AHRR: variants seen among roughly 807,000 people sequenced by gnomAD.
AHRR encodes aryl hydrocarbon receptor repressor.
In AHRR, 28 loss-of-function variants were observed where a neutral mutation model predicts 44.0. The ratio of observed to expected loss-of-function variants is 0.64; its 90% confidence interval spans 0.47 to 0.87. The LOEUF (loss-of-function observed/expected upper bound fraction) is 0.87. AHRR is among the 40% of genes least tolerant of loss of function. The pLI, the probability that AHRR is intolerant of heterozygous loss-of-function variation, is 0.00. For missense variants in AHRR, 990 were observed against 953.9 expected (o/e 1.04, Z -0.50); for synonymous variants, 434 against 407.0 (o/e 1.07, Z -0.80).
rs979804116 is a variant in AHRR, at chr5:435,813, A to C, written c.*979A>C. On this transcript the variant is annotated 3_prime_UTR_variant, in exon 11 of 11. Transcript: ENST00000684583. ...TCCTAGGAGAATAATTAGGGACAAGACAGACAAGTATTAATAGCATTAAAA... is the reference window on the plus strand; with the variant it reads ...TCCTAGGAGAATAATTAGGGACAAGCCAGACAAGTATTAATAGCATTAAAA... The C allele has an allele frequency of 1.3e-5, 2 of 152,726 alleles. No homozygotes were observed. Among genetic ancestry groups the C allele is most frequent in the African/African-American group, 4.8e-5 (2 of 41,450 alleles). The allele number at this position is 152,726 out of a possible 1,614,324, so 9.5% of individuals were successfully genotyped here. A position where few individuals can be genotyped will look rare whatever the true frequency, so the allele number is the denominator to read the frequency against.
chr5:346,955 C>T (rs1742700480), intron 2 of AHRR, among the ~76,000 whole-genome samples: 1 of 152,180 alleles, frequency 6.6e-6, no homozygotes, highest in Admixed American at 6.5e-5. Flanking sequence ...TCAAATCCCC[C>T]ACACTCGTGT....
Position 397,260 on chromosome 5 carries a change from G to A in AHRR, c.352-16084G>A, listed in dbSNP as rs1261141180. 4.3e-5 allele frequency among the ~76,000 whole-genome samples: 4 copies of A among 91,972 alleles called. 1 individual carries two copies. Among genetic ancestry groups the A allele is most frequent in the Non-Finnish European group, 8.1e-5 (4 of 49,594 alleles). The allele number at this position is 91,972 out of a possible 152,430, so 60.3% of individuals were successfully genotyped here. A position where few individuals can be genotyped will look rare whatever the true frequency, so the allele number is the denominator to read the frequency against. ...ATCCACGTAGCCCCTGACCATCCACGTAGCTCCTGACCGTCCATGTTAGCC... is the reference window on the plus strand; with the variant it reads ...ATCCACGTAGCCCCTGACCATCCACATAGCTCCTGACCGTCCATGTTAGCC... On this transcript the variant is annotated intron_variant, in intron 4 of 10. Transcript: ENST00000684583.
At chr5:399,296 C>T (rs1335756495) in intron 4 of AHRR, among the ~76,000 whole-genome samples, 1 of 152,236 alleles carries the variant, frequency 6.6e-6, no homozygotes, top group African/African-American at 2.4e-5. Flanking sequence ...GGGCCTGGCG[C>T]TTCTGGAGGG....
chr5:407,974 C>T (rs1330878741), intron 4 of AHRR, among the ~76,000 whole-genome samples: 1 of 152,220 alleles, frequency 6.6e-6, no homozygotes, highest in African/African-American at 2.4e-5. Flanking sequence ...TCAATCCATA[C>T]CTGCAATACA....
At chr5:351,361 T>A (rs1430205101) in intron 2 of AHRR, among the ~76,000 whole-genome samples, 2 of 152,156 alleles carry the variant, frequency 1.3e-5, no homozygotes, top group Non-Finnish European at 2.9e-5. Context: ...CAAACGTCCA[T>A]CAGCAGATAG....
At chr5:389,588 C>T (rs963557221) in intron 4 of AHRR, among the ~76,000 whole-genome samples, 3 of 152,040 alleles carry the variant, frequency 2.0e-5, no homozygotes, top group African/African-American at 4.8e-5. Context: ...CTTCCTCGGC[C>T]CTGCAGAGGT....
At chr5:401,414 C>T (rs1037672501) in intron 4 of AHRR, among the ~76,000 whole-genome samples, 7 of 152,212 alleles carry the variant, frequency 4.6e-5, no homozygotes, top group South Asian at 4.1e-4. Context: ...TCACCACTTG[C>T]GAAGGGGGTG....
chr5:390,716 C>G (rs1734379181), intron 4 of AHRR, among the ~76,000 whole-genome samples: 1 of 151,952 alleles, frequency 6.6e-6, no homozygotes, highest in Admixed American at 6.6e-5. Context: ...GTTGGAAGTT[C>G]CTGCTGGGAT....
chr5:400,880 C>T (rs1005348209), intron 4 of AHRR, among the ~76,000 whole-genome samples: 10 of 152,206 alleles, frequency 6.6e-5, no homozygotes, highest in African/African-American at 2.4e-4. Context: ...ATTAGTAGGA[C>T]ATCATCAGTA....
chr5:415,775 G>A (rs949211064), intron 5 of AHRR, among the ~76,000 whole-genome samples: 4 of 152,062 alleles, frequency 2.6e-5, no homozygotes, highest in East Asian at 1.9e-4. Context: ...CACCCCGCTC[G>A]CCCACACTAG....
chr5:399,934 G>A (rs1358466413), intron 4 of AHRR, among the ~76,000 whole-genome samples: 13 of 152,248 alleles, frequency 8.5e-5, no homozygotes, highest in African/African-American at 3.1e-4. Context: ...TAAACAGCCA[G>A]TTATTCAGCT....
At chr5:339,807 G>C (rs1742268984) in intron 1 of AHRR, among the ~76,000 whole-genome samples, 1 of 152,102 alleles carries the variant, frequency 6.6e-6, no homozygotes. Flanking sequence ...ATGATGATGT[G>C]CATTTTCTTT....
chr5:412,008 C>T (rs762478929), intron 4 of AHRR, among the ~76,000 whole-genome samples: 1 of 152,190 alleles, frequency 6.6e-6, no homozygotes, highest in Non-Finnish European at 1.5e-5. Flanking sequence ...GCATCCTCAC[C>T]GGTGATGGCC....
chr5:381,844 C>T (rs918309564), intron 4 of AHRR, among the ~76,000 whole-genome samples: 2 of 151,848 alleles, frequency 1.3e-5, no homozygotes, highest in African/African-American at 4.8e-5. Context: ...GTAAATGCCT[C>T]ATATCAGATT....
chr5:422,818 T>A lies in AHRR; in HGVS notation c.531T>A (p.Pro177=). 6.2e-7 allele frequency: 1 copy of A among 1,614,008 alleles called. No homozygotes were observed. The highest frequency in any genetic ancestry group is 8.5e-7 in the Non-Finnish European group (1 of 1,179,980). Residue 177 remains proline, a synonymous_variant, in exon 6 of 11, where the codon CCT becomes CCA. Transcript: ENST00000684583. ...GGCAGCTCCACTGGGCCATGGACCC[T>A]CCCCAGGTGGTGTTTGGGCAGCCCC... is the stretch of plus-strand genomic sequence containing the variant. ...FCRQLHWAMD[P]PQVVFGQPPP...
At chr5:407,758 C>T (rs1301005049) in intron 4 of AHRR, among the ~76,000 whole-genome samples, 4 of 152,162 alleles carry the variant, frequency 2.6e-5, no homozygotes, top group East Asian at 1.9e-4. Flanking sequence ...AGGCTGGTCT[C>T]GAACTCCTGA....
At chr5:368,353 A>G (rs1743444167) in intron 3 of AHRR, among the ~76,000 whole-genome samples, 1 of 152,210 alleles carries the variant, frequency 6.6e-6, no homozygotes, top group Non-Finnish European at 1.5e-5. Context: ...AGTGGCCTGC[A>G]GTGTTGACCG....
chr5:434,871 T>TACGCTC lies in AHRR; in HGVS notation c.*39_*44dup, dbSNP rs1194429702. On this transcript the variant is annotated 3_prime_UTR_variant, in exon 11 of 11. Coordinates refer to ENST00000684583, the MANE Select transcript of AHRR (RefSeq NM_001377236.1). ...CCATCCAAGCTCAGATCTGTGTGTC[T>TACGCTC]ACGCTCAGATGCGTCGGTGGCTGGG... 5.3e-6 allele frequency: 8 copies of TACGCTC among 1,509,168 alleles called. No individual in the cohort carries two copies. The highest frequency in any genetic ancestry group is 7.1e-6 in the Non-Finnish European group (8 of 1,122,294). The allele number at this position is 1,509,168 out of a possible 1,614,324, so 93.5% of individuals were successfully genotyped here. A position where few individuals can be genotyped will look rare whatever the true frequency, so the allele number is the denominator to read the frequency against.
intron 1 of AHRR, among the ~76,000 whole-genome samples, chr5:331,741 C>T (rs889582368): frequency 6.6e-6 from 1 of 152,198 alleles, no homozygotes; most frequent in African/African-American, 2.4e-5. Flanking sequence ...AGATCAGCAG[C>T]AGCATTAGAT....
Sources: gnomAD v4.1 joint callset for allele counts (sites outside exome capture counted in the v4.1 genomes callset) on GRCh38, gnomAD v4.1.1 for gene constraint, MANE v1.5 for transcripts, NCBI Gene and HGNC (gene_info 2026-07-23, HGNC 2026-07-21) for gene names.